Variants in DCC observed in about 807,000 individuals in gnomAD.
The protein encoded by DCC is netrin receptor DCC.
Under a neutral mutation model 172.5 loss-of-function variants are expected in DCC, and 58 were observed. The observed-to-expected ratio is 0.34, with a 90% CI of 0.27 to 0.42. The LOEUF (loss-of-function observed/expected upper bound fraction) is 0.42. Ranked by LOEUF, DCC falls within the 10% of genes least tolerant of loss-of-function variation. DCC has a pLI of 1.00. For missense variants in DCC, 1,740 were observed against 1,791.0 expected (o/e 0.97, Z 0.51); for synonymous variants, 709 against 644.5 (o/e 1.10, Z -1.52).
At chr18:53,064,341 C>T (rs190486004) in intron 6 of DCC, among the ~76,000 whole-genome samples, 4 of 152,126 alleles carry the variant, frequency 2.6e-5, no homozygotes, top group East Asian at 1.9e-4. Context: ...TATATGAGAG[C>T]GATGTAAAGT....
At chr18:53,129,383 G>C (rs965070292) in intron 7 of DCC, among the ~76,000 whole-genome samples, 7 of 151,928 alleles carry the variant, frequency 4.6e-5, no homozygotes, top group Admixed American at 3.3e-4. Context: ...ACTGAATTTT[G>C]ACAATTTTAT....
intron 1 of DCC, among the ~76,000 whole-genome samples, chr18:52,549,424 C>T (rs556613165): frequency 6.6e-6 from 1 of 152,016 alleles, no homozygotes; most frequent in Non-Finnish European, 1.5e-5. Context: ...CTTATAAGCA[C>T]AGTCCACTTT....
At chr18:52,350,937 G>A (rs1301110646) in intron 1 of DCC, among the ~76,000 whole-genome samples, 2 of 152,140 alleles carry the variant, frequency 1.3e-5, no homozygotes, top group South Asian at 2.1e-4. Flanking sequence ...TTGTGTTAAG[G>A]TGGCAATTTA....
chr18:53,113,099 T>G (rs2043357738), intron 7 of DCC, among the ~76,000 whole-genome samples: 1 of 151,426 alleles, frequency 6.6e-6, no homozygotes, highest in Admixed American at 6.6e-5. Context: ...CCCATTAAAG[T>G]ATATTTTAAA....
chr18:53,503,349 C>T (rs986990296), intron 27 of DCC, among the ~76,000 whole-genome samples: 2 of 152,104 alleles, frequency 1.3e-5, no homozygotes, highest in African/African-American at 4.8e-5. Flanking sequence ...ACTTACAAGA[C>T]TCTAGGGTAT....
At chr18:52,799,591 T>C (rs1367481744) in intron 2 of DCC, among the ~76,000 whole-genome samples, 2 of 152,166 alleles carry the variant, frequency 1.3e-5, no homozygotes, top group Non-Finnish European at 2.9e-5. Flanking sequence ...TGTACCCAAA[T>C]ACCTAAAGTT....
At chr18:52,726,128 T>TTA (rs1053464369) in intron 1 of DCC, among the ~76,000 whole-genome samples, 1 of 152,210 alleles carries the variant, frequency 6.6e-6, no homozygotes, top group African/African-American at 2.4e-5. Flanking sequence ...TAACTACAGG[T>TTA]AATATGTTAA....
chr18:52,774,692 C>G (rs2037398341), intron 2 of DCC, among the ~76,000 whole-genome samples: 1 of 151,998 alleles, frequency 6.6e-6, no homozygotes. Context: ...ACAGTCGGGT[C>G]CTGGTTACTG....
intron 2 of DCC, among the ~76,000 whole-genome samples, chr18:52,803,797 G>A (rs895670528): frequency 1.3e-5 from 2 of 152,188 alleles, no homozygotes; most frequent in Non-Finnish European, 2.9e-5. Flanking sequence ...CACACTCATG[G>A]ACCTCTCCAG....
At chr18:52,515,398 G>A (rs2018384286) in intron 1 of DCC, among the ~76,000 whole-genome samples, 1 of 151,744 alleles carries the variant, frequency 6.6e-6, no homozygotes, top group Non-Finnish European at 1.5e-5. Flanking sequence ...ACAAGGTCAA[G>A]AGATCGAGAC....
intron 14 of DCC, among the ~76,000 whole-genome samples, chr18:53,329,847 A>G (rs1458633214): frequency 1.3e-5 from 2 of 152,208 alleles, no homozygotes; most frequent in East Asian, 1.9e-4. Flanking sequence ...TCAGCATAGT[A>G]CTATCTGGCA....
At chr18:53,078,919 C>T (rs2042760731) in intron 7 of DCC, among the ~76,000 whole-genome samples, 1 of 152,110 alleles carries the variant, frequency 6.6e-6, no homozygotes, top group Non-Finnish European at 1.5e-5. Flanking sequence ...AAGCCAGTTT[C>T]CCATATTTCT....
At chr18:52,968,705 T>A (rs2145581721) in intron 5 of DCC, among the ~76,000 whole-genome samples, 1 of 152,314 alleles carries the variant, frequency 6.6e-6, no homozygotes, top group Non-Finnish European at 1.5e-5. Flanking sequence ...CGCAGTGGAA[T>A]CTTTTTAGTT....
intron 25 of DCC, among the ~76,000 whole-genome samples, chr18:53,474,574 T>G (rs2045738812): frequency 6.6e-6 from 1 of 152,158 alleles, no homozygotes; most frequent in African/African-American, 2.4e-5. Context: ...AATGGGAGTC[T>G]CCCTGCACAA....
At chr18:53,015,910 C>G (rs1366693684) in intron 5 of DCC, among the ~76,000 whole-genome samples, 1 of 152,064 alleles carries the variant, frequency 6.6e-6, no homozygotes, top group Non-Finnish European at 1.5e-5. Context: ...AAGTTCATGT[C>G]TCTTTAACCA....
Position 52,736,851 on chromosome 18 carries a change from G to A in DCC, c.92-15203G>A, listed in dbSNP as rs189479567. Among the ~76,000 whole-genome samples the A allele has an allele frequency of 2.1e-3, 325 of 152,096 alleles. 7 individuals are homozygous for A. In the East Asian group the frequency reaches 0.057, roughly 27 times the overall value. On this transcript the variant is annotated intron_variant, in intron 1 of 28. Transcript: ENST00000442544. ...AGAGTGGAAGCAGGTGGATATCTGG[G>A]GTCACATGTTGATGAAAAGTCTCCA...
chr18:52,751,412 T>A (rs2036992444), intron 1 of DCC, among the ~76,000 whole-genome samples: 1 of 152,238 alleles, frequency 6.6e-6, no homozygotes, highest in Non-Finnish European at 1.5e-5. Context: ...ACTGTAATAT[T>A]TATTTAGATT....
intron 1 of DCC, among the ~76,000 whole-genome samples, chr18:52,729,145 A>C (rs1253556383): frequency 6.6e-6 from 1 of 152,174 alleles, no homozygotes. Context: ...GTAGGGCTGA[A>C]TTTAGTATTC....
At position 53,145,081 on chromosome 18, in the gene DCC, G is replaced by A. The variant is rs569558563; in HGVS notation, c.1262-12275G>A. On this transcript the variant is annotated intron_variant, in intron 7 of 28. Transcript: ENST00000442544. ...TATTAAGTGGTGGGGCCTTTTGGGA[G>A]GTGATTAAGCTGTGAGGGCTCTGCT... Among the ~76,000 whole-genome samples, 208 of 144,924 alleles carry A rather than the reference G, an allele frequency of 1.4e-3. 1 individual carries two copies. Among genetic ancestry groups the A allele is most frequent in the African/African-American group, 4.9e-3 (195 of 39,416 alleles).
Sources: allele counts gnomAD v4.1 joint callset (sites outside exome capture counted in the v4.1 genomes callset), GRCh38; gene constraint gnomAD v4.1.1; transcripts MANE v1.5; gene names NCBI Gene and HGNC (gene_info 2026-07-23, HGNC 2026-07-21).